Variants in VPS33B observed in about 807,000 individuals in gnomAD.
The protein encoded by VPS33B is VPS33B late endosome and lysosome associated, also known as vacuolar protein sorting-associated protein 33B.
Under a neutral mutation model 95.3 loss-of-function variants are expected in VPS33B, and 80 were observed. The ratio of observed to expected loss-of-function variants is 0.84; its 90% CI spans 0.70 to 1.01. The LOEUF is 1.01. Among genes scored for constraint, VPS33B ranks in the 50% least tolerant of loss-of-function variants. VPS33B has a pLI of 0.00. For missense variants in VPS33B, 715 were observed against 773.4 expected, an observed-to-expected ratio of 0.92 and a Z score of 0.90; for synonymous variants, 280 against 280.4, an observed-to-expected ratio of 1.00 and a Z score of 0.01.
chr15:91,018,151 T>C lies in VPS33B; in HGVS notation c.97-266A>G, dbSNP rs2040996470. On this transcript the variant is annotated intron_variant, in intron 1 of 22. Coordinates refer to ENST00000333371, the MANE Select transcript of VPS33B (RefSeq NM_018668.5). This position sits in a 1 kb window ranked among gnomAD's most constrained non-coding sequence, Gnocchi z 4.7. Reference sequence around the variant, plus strand: ...TTAACTCCTTGTCACTCAACCCTTCTGCTCACCTGTGACCTTGGTCTGCAC... The same window carrying C: ...TTAACTCCTTGTCACTCAACCCTTCCGCTCACCTGTGACCTTGGTCTGCAC... The C allele has an allele frequency of 2.1e-5, 10 of 467,656 alleles. No individual in the cohort carries two copies. Among genetic ancestry groups the C allele is most frequent in the South Asian group, 2.0e-4 (10 of 49,682 alleles). The allele number at this position is 467,656 out of a possible 1,614,324, so 29.0% of individuals were successfully genotyped here. A position where few individuals can be genotyped will look rare whatever the true frequency, so the allele number is the denominator to read the frequency against.
In VPS33B at chr15:91,000,158, T is replaced by A. The variant is rs1300360777; in HGVS notation, c.1582-183A>T. Reference sequence around the variant, plus strand: ...ACTTTAGGAGTTTGAGGCGGGGGGATCACCTGAGGTCAGGAGTTCGAGACC... The same window carrying A: ...ACTTTAGGAGTTTGAGGCGGGGGGAACACCTGAGGTCAGGAGTTCGAGACC... On this transcript the variant is annotated intron_variant, in intron 20 of 22. Transcript: ENST00000333371. This position sits in a 1 kb window ranked among gnomAD's most constrained non-coding sequence, Gnocchi z 4.9. Among the ~76,000 whole-genome samples the A allele has an allele frequency of 6.6e-6, 1 of 152,138 alleles. No individual in the cohort carries two copies. Among genetic ancestry groups the A allele is most frequent in the East Asian group, 1.9e-4 (1 of 5,190 alleles).
In VPS33B at chr15:91,002,121, T is replaced by A. The variant is rs763758066; in HGVS notation, c.1334A>T (p.Glu445Val). 1 of 1,614,140 alleles carries A rather than the reference T, an allele frequency of 6.2e-7. No homozygotes were observed. Among genetic ancestry groups the A allele is most frequent in the Non-Finnish European group, 8.5e-7 (1 of 1,180,016 alleles). The change falls in exon 18 of 23, where the codon GAG (glutamate) becomes GTG (valine). Residue 445 changes from glutamate (E) to valine (V), a missense_variant. By Grantham distance (121) the Glu-to-Val change is moderately radical (BLOSUM62 -2). Coordinates refer to ENST00000333371, the MANE Select transcript of VPS33B (RefSeq NM_018668.5). The surrounding 1 kb of genome is among the most constrained non-coding windows in gnomAD (Gnocchi z 4.7). ...SNLRRAGLLT[E>V]QAPGDTLTAV... The stretch of plus-strand genomic sequence containing the variant: ...TGTGAGGGTGTCCCCGGGGGCCTGC[T>A]CCGTTAGGAGCCCAGCTCTTCGCAG...
chr15:91,003,219 T>G (rs978857766), intron 16 of VPS33B, 88 bp from the exon 17 acceptor site: 3 of 1,268,686 alleles, frequency 2.4e-6, no homozygotes, highest in Non-Finnish European at 3.5e-6. Context: ...AACGAACGCC[T>G]TCTTCAGGAG....
rs1567232246 is a variant in VPS33B at position 91,022,211 on chromosome 15, A to T, written c.39T>A (p.Pro13=). 5 of 1,588,294 alleles carry T rather than the reference A, an allele frequency of 3.1e-6. No individual in the cohort carries two copies. The highest frequency in any genetic ancestry group is 3.4e-6 in the Non-Finnish European group (4 of 1,165,778). ...FPHRPDAPEL[P]DFSMLKRLAR... ...CCAGCCTCTTCAGCATGGAGAAGTC[A>T]GGCAGCTCAGGGGCGTCCGGCCGAT... Residue 13 remains proline (P), a synonymous_variant, in exon 1 of 23, where the codon CCT becomes CCA. Coordinates refer to ENST00000333371, the MANE Select transcript of VPS33B (RefSeq NM_018668.5).
Position 91,018,495 on chromosome 15 carries a change from C to T in VPS33B, c.97-610G>A, listed in dbSNP as rs1435065132. ...GAAAGTCACTGGGAGTTTCCTCTCA[C>T]CCAGGCCTTCACAAATGAGTAGGGT... On this transcript the variant is annotated intron_variant, in intron 1 of 22. Coordinates refer to ENST00000333371, the MANE Select transcript of VPS33B (RefSeq NM_018668.5). This position sits in a 1 kb window ranked among gnomAD's most constrained non-coding sequence, Gnocchi z 4.7. Among the ~76,000 whole-genome samples the T allele has an allele frequency of 6.6e-6, 1 of 152,158 alleles. No homozygotes were observed. Among genetic ancestry groups the T allele is most frequent in the Non-Finnish European group, 1.5e-5 (1 of 68,036 alleles).
intron 1 of VPS33B, among the ~76,000 whole-genome samples, chr15:91,021,832 T>A (rs1284386481): frequency 6.6e-6 from 1 of 152,242 alleles, no homozygotes; most frequent in Non-Finnish European, 1.5e-5. Flanking sequence ...GTGTGATAAT[T>A]TGTGCTTCAT....
In VPS33B at chr15:91,005,911, G is replaced by C; in HGVS notation, c.939+62C>G. The C allele has an allele frequency of 1.9e-6, 3 of 1,608,558 alleles. No homozygotes were observed. Among genetic ancestry groups the C allele is most frequent in the Non-Finnish European group, 2.6e-6 (3 of 1,176,100 alleles). ...TCATAGTATTAGAAGGGGAGCCCAA[G>C]GGCAGCAGCCTTGGGAAGCCACTGA... On this transcript the variant is annotated intron_variant, in intron 12 of 22. Transcript: ENST00000333371. This position sits in a 1 kb window ranked among gnomAD's most constrained non-coding sequence, Gnocchi z 6.4.
In VPS33B at chr15:91,000,552, G is replaced by A. The variant is rs773306000; in HGVS notation, c.1519C>T (p.Arg507Ter). ...VDGEYDLKVP[R>*]DMAYVFGGAY... ...CCACCGAAGACGTAAGCCATGTCTC[G>A]GGGCACTTTCAGATCATACTCGCCG... Residue 507 changes from arginine (R) to a stop codon, truncating the protein, a stop_gained, in exon 20 of 23, where the codon CGA becomes TGA. Transcript: ENST00000333371. LOFTEE classifies it high-confidence loss of function. The surrounding 1 kb of genome is among the most constrained non-coding windows in gnomAD (Gnocchi z 4.9). 1.2e-6 allele frequency: 2 copies of A among 1,613,348 alleles called. No individual in the cohort carries two copies. The highest frequency in any genetic ancestry group is 1.7e-5 in the Admixed American group (1 of 59,976).
In VPS33B at chr15:91,007,717, C is replaced by T. The variant is rs1596358917; in HGVS notation, c.499-144G>A. On this transcript the variant is annotated intron_variant, in intron 7 of 22. Transcript: ENST00000333371. The surrounding 1 kb of genome is among the most constrained non-coding windows in gnomAD (Gnocchi z 5.3). ...TTCATTGGCTCCACAGGAAGTCCCA[C>T]AGAGACCAATCTGTAGCACTCAATC... 12 of 1,173,344 alleles carry T rather than the reference C, an allele frequency of 1.0e-5. No individual in the cohort carries two copies. Among genetic ancestry groups the T allele is most frequent in the South Asian group, 9.8e-5 (8 of 81,734 alleles). The allele number at this position is 1,173,344 out of a possible 1,614,324, so 72.7% of individuals were successfully genotyped here.
intron 4 of VPS33B, 95 bp downstream of exon 4, chr15:91,014,285 TCAAA>T: frequency 1.0e-6 from 1 of 954,290 alleles, no homozygotes; most frequent in Admixed American, 1.8e-5. Context: ...TACGGCCAAC[TCAAA>T]CAATTATTTT....
At position 91,005,420 on chromosome 15, in the gene VPS33B, TTTC is replaced by T; in HGVS notation, c.1062_1064del (p.Lys355del). On this transcript the variant is annotated inframe_deletion, in exon 14 of 23. Coordinates refer to ENST00000333371, the MANE Select transcript of VPS33B (RefSeq NM_018668.5). The surrounding 1 kb of genome is among the most constrained non-coding windows in gnomAD (Gnocchi z 6.4). ...TTAGCTCCTGGAAATCCTGCTTGGT[TTTC>T]TTCTTCATGATGGATTCACAGGCCC... 3 of 1,614,074 alleles carry T rather than the reference TTTC, an allele frequency of 1.9e-6. No homozygotes were observed. Among genetic ancestry groups the T allele is most frequent in the Non-Finnish European group, 2.5e-6 (3 of 1,180,026 alleles).
Position 91,001,442 on chromosome 15 carries a change from T to A in VPS33B, c.1426A>T (p.Ser476Cys). The A allele has an allele frequency of 6.2e-7, 1 of 1,613,994 alleles. No individual in the cohort carries two copies. The highest frequency in any genetic ancestry group is 1.1e-5 in the South Asian group (1 of 91,090). Residue 476 changes from serine to cysteine, a missense_variant, in exon 19 of 23, where the codon AGT becomes TGT. Transcript: ENST00000333371. ...AAATTGCTCCTCTTGGCCAGAGAAC[T>A]GAAGGCATCAGTAATCTTTCCTGGG... ...KAAGKITDAF[S>C]SLAKRSNFRA...
At position 91,007,581 on chromosome 15, in the gene VPS33B, G is replaced by T. The variant is rs758216573; in HGVS notation, c.499-8C>A. The T allele has an allele frequency of 5.0e-6, 8 of 1,611,340 alleles. 1 individual carries two copies. The South Asian group carries it at 8.8e-5, about 18-fold the overall frequency. Reference sequence around the variant, plus strand: ...CCAACGCTGATCTCCTTCCTGCAGGGACCACACAAGCCACAAAGATATGAA... The same window carrying T: ...CCAACGCTGATCTCCTTCCTGCAGGTACCACACAAGCCACAAAGATATGAA... On this transcript the variant is annotated splice_region_variant and splice_polypyrimidine_tract_variant and intron_variant, in intron 7 of 22. Coordinates refer to ENST00000333371, the MANE Select transcript of VPS33B (RefSeq NM_018668.5). This position sits in a 1 kb window ranked among gnomAD's most constrained non-coding sequence, Gnocchi z 5.3.
rs1233123709 is a variant in VPS33B at position 91,005,102 on chromosome 15, T to C, written c.1123A>G (p.Asn375Asp). 3 of 1,614,102 alleles carry C rather than the reference T, an allele frequency of 1.9e-6. No homozygotes were observed. In the African/African-American group the frequency reaches 4.0e-5, roughly 22 times the overall value. Residue 375 changes from asparagine to aspartate, a missense_variant, in exon 15 of 23, where the codon AAC becomes GAC. By Grantham distance (23) the Asn-to-Asp change is conservative. Coordinates refer to ENST00000333371, the MANE Select transcript of VPS33B (RefSeq NM_018668.5). This position sits in a 1 kb window ranked among gnomAD's most constrained non-coding sequence, Gnocchi z 6.4. ...ATGTAGCTGGTGCTCTCCCGGATGT[T>C]GAACCCCTCTAGCAGTGCTGTGAGT... ...KTEHALLEGFNIRESTSYIEE... is the reference protein window; with the variant it reads ...KTEHALLEGFDIRESTSYIEE...
In VPS33B at chr15:91,013,518, C is replaced by T. The variant is rs1165469141; in HGVS notation, c.357+286G>A. Among the ~76,000 whole-genome samples, 1 of 152,122 alleles carries T rather than the reference C, an allele frequency of 6.6e-6. No individual in the cohort carries two copies. Among genetic ancestry groups the T allele is most frequent in the Non-Finnish European group, 1.5e-5 (1 of 68,014 alleles). On this transcript the variant is annotated intron_variant, in intron 5 of 22. Transcript: ENST00000333371. The surrounding 1 kb of genome is among the most constrained non-coding windows in gnomAD (Gnocchi z 4.5). ...AGGAGTGGGTTGCTATAAGGCGAGT[C>T]CAGCCCCTGGGTGTCTCTTGGTCTC...
In VPS33B at chr15:91,015,067, G is replaced by A. The variant is rs1269879501; in HGVS notation, c.240-634C>T. Among the ~76,000 whole-genome samples, 1 of 150,060 alleles carries A rather than the reference G, an allele frequency of 6.7e-6. No homozygotes were observed. Among genetic ancestry groups the A allele is most frequent in the East Asian group, 2.0e-4 (1 of 5,104 alleles). ...AATACAAACATTGGCTGGGCATGGT[G>A]GCTCACACCTGTAATCCCAGCACTT... On this transcript the variant is annotated intron_variant, in intron 3 of 22. Coordinates refer to ENST00000333371, the MANE Select transcript of VPS33B (RefSeq NM_018668.5). The surrounding 1 kb of genome is among the most constrained non-coding windows in gnomAD (Gnocchi z 4.7).
rs1305069586 is a variant in VPS33B, at chr15:91,016,956, C to A, written c.239+7G>T. Reference sequence around the variant, plus strand: ...TGGAGTAGGGACAGACTCTCCCAGACACTCACTGTTCATTGGAGCTGAGGG... The same window carrying A: ...TGGAGTAGGGACAGACTCTCCCAGAAACTCACTGTTCATTGGAGCTGAGGG... On this transcript the variant is annotated splice_region_variant and intron_variant, in intron 3 of 22. Transcript: ENST00000333371. The A allele has an allele frequency of 6.2e-7, 1 of 1,613,924 alleles. No individual in the cohort carries two copies. The highest frequency in any genetic ancestry group is 8.5e-7 in the Non-Finnish European group (1 of 1,179,868).
chr15:91,022,490 T>C lies in VPS33B; in HGVS notation c.-241A>G, dbSNP rs1036781477. 4 of 423,942 alleles carry C rather than the reference T, an allele frequency of 9.4e-6. No individual in the cohort carries two copies. The highest frequency in any genetic ancestry group is 4.0e-5 in the African/African-American group (2 of 49,792). The allele number at this position is 423,942 out of a possible 1,614,324, so 26.3% of individuals were successfully genotyped here. ...GCAGCCACCGTGTCTCGACCCTCCC[T>C]CCCTGATCCACTCTGCCCGTCAGCA... On this transcript the variant is annotated 5_prime_UTR_variant, in exon 1 of 23. Transcript: ENST00000333371.
rs2040996214 is a variant in VPS33B at position 91,018,137 on chromosome 15, T to C, written c.97-252A>G. 2.0e-6 allele frequency: 1 copy of C among 495,914 alleles called. No homozygotes were observed. The highest frequency in any genetic ancestry group is 3.0e-5 in the Admixed American group (1 of 33,288). 30.7% of individuals were successfully genotyped at this position (495,914 alleles called of 1,614,324 possible). Reference sequence around the variant, plus strand: ...CCTTCTTTCTCAGGTTAACTCCTTGTCACTCAACCCTTCTGCTCACCTGTG... The same window carrying C: ...CCTTCTTTCTCAGGTTAACTCCTTGCCACTCAACCCTTCTGCTCACCTGTG... On this transcript the variant is annotated intron_variant, in intron 1 of 22. Transcript: ENST00000333371. This position sits in a 1 kb window ranked among gnomAD's most constrained non-coding sequence, Gnocchi z 4.7.
Sources: gnomAD v4.1 joint callset for allele counts (sites outside exome capture counted in the v4.1 genomes callset) on GRCh38, gnomAD v4.1.1 for gene constraint, Gnocchi (gnomAD v3.1) non-coding constraint, MANE v1.5 for transcripts, NCBI Gene and HGNC (gene_info 2026-07-23, HGNC 2026-07-21) for gene names.